The following MTUS2 variants were observed in gnomAD, a reference collection of about 807,000 sequenced individuals.
MTUS2 encodes microtubule associated scaffold protein 2, also known as microtubule-associated tumor suppressor candidate 2.
Under a neutral mutation model 114.1 loss-of-function variants are expected in MTUS2, and 40 were observed. The ratio of observed to expected loss-of-function variants is 0.35; its 90% CI spans 0.27 to 0.46. The LOEUF is 0.46. Ranked by LOEUF, MTUS2 falls within the 20% of genes least tolerant of loss-of-function variation. The pLI is 1.00. For synonymous variants in MTUS2, 688 were observed against 672.0 expected, an observed-to-expected ratio of 1.02 and a Z score of -0.37; for missense variants, 1,679 against 1,705.4, an observed-to-expected ratio of 0.98 and a Z score of 0.27.
chr13:29,137,105 T>C lies in MTUS2; in HGVS notation c.2644+36135T>C, dbSNP rs780870082. 6.0e-4 allele frequency among the ~76,000 whole-genome samples: 92 copies of C among 152,332 alleles called. 1 individual carries two copies. The Middle Eastern group carries it at 0.01, about 17-fold the overall frequency. ...TTAAGCAGAGGAAAAACATTTTGTT[T>C]TTTTCTGCTGCATCCTTATAAGAAC... On this transcript the variant is annotated intron_variant, in intron 5 of 15. Coordinates refer to ENST00000612955, the MANE Select transcript of MTUS2 (RefSeq NM_001033602.4).
chr13:28,903,442 T>A (rs1424627450), intron 2 of MTUS2, among the ~76,000 whole-genome samples: 2 of 122,822 alleles, frequency 1.6e-5, no homozygotes, highest in African/African-American at 6.3e-5. Context: ...GGCCCTGGTG[T>A]GTGATGTTCC....
intron 5 of MTUS2, among the ~76,000 whole-genome samples, chr13:29,110,347 A>G (rs1890835780): frequency 6.6e-6 from 1 of 152,210 alleles, no homozygotes; most frequent in African/African-American, 2.4e-5. Flanking sequence ...GCTAGAGCCT[A>G]ATTTCCATTG....
At chr13:28,859,305 C>T (rs1010767616) in intron 2 of MTUS2, among the ~76,000 whole-genome samples, 1 of 152,162 alleles carries the variant, frequency 6.6e-6, no homozygotes, top group Non-Finnish European at 1.5e-5. Context: ...GGTTGGATGT[C>T]TGAGGACAAT....
chr13:29,313,941 T>C (rs564362462), intron 6 of MTUS2, among the ~76,000 whole-genome samples: 4 of 152,218 alleles, frequency 2.6e-5, no homozygotes, highest in Non-Finnish European at 5.9e-5. Context: ...ATGTGCCACG[T>C]TAAAATTCCA....
chr13:28,968,257 G>A (rs144705124), intron 2 of MTUS2, among the ~76,000 whole-genome samples: 1 of 152,022 alleles, frequency 6.6e-6, no homozygotes, highest in Non-Finnish European at 1.5e-5. Context: ...CATACTGTGA[G>A]GCTGGCCAAA....
At chr13:29,321,182 A>G (rs573237954) in intron 6 of MTUS2, among the ~76,000 whole-genome samples, 1 of 152,098 alleles carries the variant, frequency 6.6e-6, no homozygotes, top group Non-Finnish European at 1.5e-5. Context: ...GAGCCTGTTG[A>G]ATGGATAAGC....
At chr13:29,453,115 A>G (rs1311291425) in intron 9 of MTUS2, among the ~76,000 whole-genome samples, 22 of 152,230 alleles carry the variant, frequency 1.4e-4, no homozygotes, top group East Asian at 3.8e-4. Context: ...CACCATAACC[A>G]TATCAGGCCA....
chr13:29,404,463 G>T (rs1188818581), intron 8 of MTUS2, among the ~76,000 whole-genome samples: 1 of 152,108 alleles, frequency 6.6e-6, no homozygotes, highest in Non-Finnish European at 1.5e-5. Flanking sequence ...AGCCTCACAG[G>T]GTCAATAAGA....
intron 5 of MTUS2, among the ~76,000 whole-genome samples, chr13:29,160,581 T>A (rs888170536): frequency 1.3e-5 from 2 of 152,014 alleles, no homozygotes; most frequent in African/African-American, 4.8e-5. Context: ...CCATCCTGGC[T>A]AACATGGCAA....
At chr13:29,306,687 C>G (rs544119903) in intron 6 of MTUS2, 22 of 260,716 alleles carry the variant, frequency 8.4e-5, no homozygotes, top group Non-Finnish European at 3.9e-5. Flanking sequence ...TAGAAAGAAT[C>G]AATATCATGA....
chr13:29,013,697 T>C (rs1459680339), intron 2 of MTUS2, among the ~76,000 whole-genome samples: 7 of 152,188 alleles, frequency 4.6e-5, no homozygotes, highest in Middle Eastern at 3.2e-3. Context: ...AATCCTGTAC[T>C]CAGACCTTGA....
intron 4 of MTUS2, among the ~76,000 whole-genome samples, chr13:29,043,432 ATC>A (rs1420803733): frequency 9.2e-5 from 14 of 152,104 alleles, no homozygotes; most frequent in African/African-American, 3.1e-4. Flanking sequence ...TTCTGTAAAT[ATC>A]TGTTAAGTCC....
In MTUS2 at chr13:28,826,636, C is replaced by G. The variant is rs190075051; in HGVS notation, c.-316+6025C>G. Among the ~76,000 whole-genome samples, 117 of 152,286 alleles carry G rather than the reference C, an allele frequency of 7.7e-4. No homozygotes were observed. In the Middle Eastern group the frequency reaches 0.01, roughly 13 times the overall value. Reference sequence around the variant, plus strand: ...CTGATACTGACTTTAGAAAGTTTGACTCACCTTGCAGAAATGAAAAGCCAA... The same window carrying G: ...CTGATACTGACTTTAGAAAGTTTGAGTCACCTTGCAGAAATGAAAAGCCAA... On this transcript the variant is annotated intron_variant, in intron 1 of 15. Coordinates refer to ENST00000612955, the MANE Select transcript of MTUS2 (RefSeq NM_001033602.4).
At chr13:29,071,616 C>T (rs984668573) in intron 4 of MTUS2, among the ~76,000 whole-genome samples, 9 of 146,880 alleles carry the variant, frequency 6.1e-5, no homozygotes, top group Admixed American at 4.1e-4. Context: ...TTATTAGAGA[C>T]GGGGTTTCAC....
At chr13:28,946,848 C>T (rs977250502) in intron 2 of MTUS2, among the ~76,000 whole-genome samples, 5 of 152,106 alleles carry the variant, frequency 3.3e-5, no homozygotes, top group African/African-American at 7.2e-5. Context: ...CACACCTGAC[C>T]AGTCACCAGT....
At chr13:28,904,008 G>A (rs1879818293) in intron 2 of MTUS2, among the ~76,000 whole-genome samples, 1 of 152,180 alleles carries the variant, frequency 6.6e-6, no homozygotes, top group Non-Finnish European at 1.5e-5. Flanking sequence ...TTCTCTGATA[G>A]CCAGTGATGA....
chr13:28,830,654 T>C (rs1012093766), intron 1 of MTUS2, among the ~76,000 whole-genome samples: 1 of 152,116 alleles, frequency 6.6e-6, no homozygotes, highest in Admixed American at 6.6e-5. Flanking sequence ...ACATCAGATT[T>C]ATGGGACACC....
intron 5 of MTUS2, among the ~76,000 whole-genome samples, chr13:29,148,279 A>G (rs1365995682): frequency 6.6e-6 from 1 of 151,490 alleles, no homozygotes; most frequent in African/African-American, 2.4e-5. Context: ...TTAAATAAGT[A>G]AATGTGTGCG....
rs572368712 is a variant in MTUS2, at chr13:29,022,289, G to A, written c.-242-2168G>A. On this transcript the variant is annotated intron_variant, in intron 2 of 15. Transcript: ENST00000612955. ...TTGGAAACACAGAGGGCTTCAGTGAGGAGGAGCATGAGGATGGCTGCAAGG... is the reference window on the plus strand; with the variant it reads ...TTGGAAACACAGAGGGCTTCAGTGAAGAGGAGCATGAGGATGGCTGCAAGG... Among the ~76,000 whole-genome samples the A allele has an allele frequency of 3.3e-5, 5 of 152,334 alleles. No individual in the cohort carries two copies. The East Asian group carries it at 9.6e-4, about 29-fold the overall frequency.
Sources: gnomAD v4.1 joint callset for allele counts (sites outside exome capture counted in the v4.1 genomes callset) on GRCh38, gnomAD v4.1.1 for gene constraint, MANE v1.5 for transcripts, NCBI Gene and HGNC (gene_info 2026-07-23, HGNC 2026-07-21) for gene names.